The following ITPRID1 variants were observed in gnomAD, a reference collection of about 807,000 sequenced individuals.
ITPRID1 encodes protein ITPRID1.
In ITPRID1, 96 loss-of-function variants were observed where a neutral mutation model predicts 95.4. That is an observed-to-expected ratio of 1.01 (90% CI 0.85 to 1.19). The LOEUF (loss-of-function observed/expected upper bound fraction) is 1.19, where lower values mean the gene tolerates loss of function less well. Ranked by LOEUF, ITPRID1 falls within the 50% of genes most tolerant of loss-of-function variation. The pLI is 0.00. For synonymous variants in ITPRID1, 510 were observed against 453.6 expected, an observed-to-expected ratio of 1.12 and a Z score of -1.58; for missense variants, 1,339 against 1,252.9, an observed-to-expected ratio of 1.07 and a Z score of -1.04.
intron 5 of ITPRID1, among the ~76,000 whole-genome samples, chr7:31,558,590 G>A (rs1784529217): frequency 6.6e-6 from 1 of 152,128 alleles, no homozygotes; most frequent in Admixed American, 6.5e-5. Context: ...GAGACCTTAA[G>A]TACAGCATGG....
chr7:31,516,938 G>A (rs543091618), intron 1 of ITPRID1, among the ~76,000 whole-genome samples: 9 of 152,282 alleles, frequency 5.9e-5, no homozygotes, highest in Non-Finnish European at 1.2e-4. Flanking sequence ...GGACCTGTCC[G>A]GAGTTTCTTC....
chr7:31,632,851 T>C (rs1360705077), intron 10 of ITPRID1, among the ~76,000 whole-genome samples: 6 of 152,118 alleles, frequency 3.9e-5, no homozygotes, highest in African/African-American at 1.4e-4. Context: ...TTAAAGGGTC[T>C]GGGGAGATTT....
chr7:31,614,862 G>T (rs1435687650), intron 10 of ITPRID1, among the ~76,000 whole-genome samples: 1 of 152,022 alleles, frequency 6.6e-6, no homozygotes, highest in Non-Finnish European at 1.5e-5. Flanking sequence ...TGATTCGGGG[G>T]CCCCATTTAT....
chr7:31,554,350 T>C, intron 3 of ITPRID1, 125 bp from the exon 4 acceptor site: 1 of 1,411,920 alleles, frequency 7.1e-7, no homozygotes, highest in South Asian at 1.8e-5. Flanking sequence ...ATGAATATGC[T>C]TATGGAAGGA....
At chr7:31,559,973 G>A (rs1313136285) in intron 5 of ITPRID1, among the ~76,000 whole-genome samples, 1 of 152,122 alleles carries the variant, frequency 6.6e-6, no homozygotes, top group Non-Finnish European at 1.5e-5. Context: ...CTTTCCATTA[G>A]TACTGAGAAT....
At chr7:31,646,254 A>T (rs564553512) in intron 12 of ITPRID1, among the ~76,000 whole-genome samples, 2 of 152,308 alleles carry the variant, frequency 1.3e-5, no homozygotes, top group African/African-American at 4.8e-5. Flanking sequence ...AGAGAGCATG[A>T]CTGGTCAGTA....
At chr7:31,646,838 A>G (rs1790509938) in intron 12 of ITPRID1, among the ~76,000 whole-genome samples, 1 of 152,174 alleles carries the variant, frequency 6.6e-6, no homozygotes, top group Admixed American at 6.5e-5. Flanking sequence ...CTTGTCTCCT[A>G]TTGCCTTCAC....
intron 12 of ITPRID1, among the ~76,000 whole-genome samples, chr7:31,647,755 G>T (rs1307980176): frequency 6.6e-6 from 1 of 151,228 alleles, no homozygotes; most frequent in Non-Finnish European, 1.5e-5. Context: ...CTGAGCAGAT[G>T]TTGAAACTAA....
chr7:31,552,866 C>A, intron 2 of ITPRID1, 136 bp from the exon 3 acceptor site: 1 of 911,346 alleles, frequency 1.1e-6, no homozygotes, highest in Non-Finnish European at 1.6e-6. Context: ...GGTGGGTGAG[C>A]CAGGTTCATG....
chr7:31,615,438 G>T (rs1787111795), intron 10 of ITPRID1, among the ~76,000 whole-genome samples: 1 of 152,252 alleles, frequency 6.6e-6, no homozygotes, highest in Admixed American at 6.5e-5. Flanking sequence ...AACAATAATG[G>T]CAAGCAGTAA....
chr7:31,622,808 T>G (rs573292038), intron 10 of ITPRID1, among the ~76,000 whole-genome samples: 6 of 152,002 alleles, frequency 3.9e-5, no homozygotes, highest in Non-Finnish European at 8.8e-5. Context: ...AAAAAATTAA[T>G]GAATCCAGGA....
At chr7:31,619,460 G>A (rs1787590983) in intron 10 of ITPRID1, among the ~76,000 whole-genome samples, 2 of 149,810 alleles carry the variant, frequency 1.3e-5, no homozygotes, top group Admixed American at 1.3e-4. Context: ...TATGTGTAGA[G>A]CTAAGTTTAA....
chr7:31,587,668 G>T (rs1374544968), intron 10 of ITPRID1, among the ~76,000 whole-genome samples: 1 of 151,510 alleles, frequency 6.6e-6, no homozygotes, highest in Admixed American at 6.6e-5. Context: ...CCAAAAAAGA[G>T]CCCGCGTCAC....
intron 10 of ITPRID1, among the ~76,000 whole-genome samples, chr7:31,598,611 G>T (rs1309741623): frequency 6.6e-6 from 1 of 151,856 alleles, no homozygotes; most frequent in Non-Finnish European, 1.5e-5. Context: ...CACCGTGTTA[G>T]CCAGGATGGT....
intron 10 of ITPRID1, among the ~76,000 whole-genome samples, chr7:31,593,322 AC>A (rs1434017845): frequency 1.2e-4 from 19 of 152,136 alleles, no homozygotes; most frequent in African/African-American, 4.6e-4. Flanking sequence ...AAAGACAAAA[AC>A]AAAAACAAAA....
In ITPRID1 at chr7:31,546,260, C is replaced by A. The variant is rs1784093249; in HGVS notation, c.-97-3166C>A. ...TCCTTGGCAATGGATTAAGATTTTTCATCTGTTTGTTAGCTGTTGGGAGGC... is the reference window on the plus strand; with the variant it reads ...TCCTTGGCAATGGATTAAGATTTTTAATCTGTTTGTTAGCTGTTGGGAGGC... On this transcript the variant is annotated intron_variant, in intron 1 of 14. Coordinates refer to ENST00000615280, the MANE Select transcript of ITPRID1 (RefSeq NM_001257967.3). 2.0e-5 allele frequency among the ~76,000 whole-genome samples: 3 copies of A among 152,064 alleles called. No individual in the cohort carries two copies. In the South Asian group the frequency reaches 6.2e-4, roughly 32 times the overall value.
At chr7:31,645,007 A>G (rs1359210314) in intron 12 of ITPRID1, among the ~76,000 whole-genome samples, 2 of 152,190 alleles carry the variant, frequency 1.3e-5, no homozygotes, top group African/African-American at 2.4e-5. Flanking sequence ...TCCATTCCAT[A>G]AATATTTGTT....
At chr7:31,609,573 A>T (rs1367446309) in intron 10 of ITPRID1, among the ~76,000 whole-genome samples, 2 of 151,568 alleles carry the variant, frequency 1.3e-5, no homozygotes, top group Non-Finnish European at 3.0e-5. Context: ...CACCAGAGTC[A>T]TCTAATTTGT....
chr7:31,526,027 T>C (rs1171024825), intron 1 of ITPRID1, among the ~76,000 whole-genome samples: 1 of 152,166 alleles, frequency 6.6e-6, no homozygotes, highest in Non-Finnish European at 1.5e-5. Flanking sequence ...TACCTTCAGC[T>C]CTCTTCATCT....
Sources: gnomAD v4.1 joint callset for allele counts (sites outside exome capture counted in the v4.1 genomes callset) on GRCh38, gnomAD v4.1.1 for gene constraint, MANE v1.5 for transcripts, NCBI Gene and HGNC (gene_info 2026-07-23, HGNC 2026-07-21) for gene names.